The following RUSC1 variants were observed in gnomAD, a reference collection of about 807,000 sequenced individuals.
The protein encoded by RUSC1 is RUN and SH3 domain containing 1, also known as AP-4 complex accessory subunit RUSC1.
In RUSC1, 40 loss-of-function variants were observed where a neutral mutation model predicts 72.1. The ratio of observed to expected loss-of-function variants is 0.55; its 90% CI spans 0.43 to 0.72. RUSC1 has a LOEUF of 0.72. RUSC1 is among the 30% of genes least tolerant of loss of function. The pLI, the probability that RUSC1 is intolerant of heterozygous loss-of-function variation, is 0.00. For synonymous variants in RUSC1, 512 were observed against 494.2 expected (o/e 1.04, Z -0.48); for missense variants, 1,092 against 1,172.3 (o/e 0.93, Z 1.00).
chr1:155,321,632 T>C, intron 1 of RUSC1, 56 bp from the exon 2 acceptor site: 1 of 1,285,508 alleles, frequency 7.8e-7, no homozygotes, highest in South Asian at 1.4e-5. Context: ...CACCTCGGTG[T>C]CCTTCCCCGC....
intron 8 of RUSC1, 41 bp from the exon 9 acceptor site, chr1:155,328,109 T>G: frequency 1.9e-6 from 3 of 1,589,332 alleles, no homozygotes; most frequent in Non-Finnish European, 2.6e-6. Context: ...TTGGGTTTTC[T>G]GGAAGTGGGT....
intron 2 of RUSC1, chr1:155,324,526 C>T (rs1283904014): frequency 2.5e-6 from 4 of 1,600,122 alleles, no homozygotes; most frequent in Non-Finnish European, 2.6e-6. Context: ...CCTACAGGCC[C>T]TAGCAGGGCA....
In RUSC1 at chr1:155,321,857, C is replaced by T. The variant is rs202228024; in HGVS notation, c.84C>T (p.Arg28=). Residue 28 remains arginine, a synonymous_variant, in exon 2 of 10, where the codon CGC becomes CGT. Transcript: ENST00000368352. ...QHVSLGLHLS[R]RPELQEGPLS... ...TCTCCCTGGGCCTGCACTTGTCCCG[C>T]CGTCCTGAGCTACAGGAGGGGCCTT... 1.4e-3 allele frequency: 2,317 copies of T among 1,613,836 alleles called. 3 individuals are homozygous for T. The highest frequency in any genetic ancestry group is 1.8e-3 in the Non-Finnish European group (2,177 of 1,180,004).
chr1:155,323,178 C>T, intron 2 of RUSC1, 48 bp downstream of exon 2: 2 of 1,394,518 alleles, frequency 1.4e-6, no homozygotes, highest in South Asian at 3.3e-5. Context: ...CGGCCGCTCA[C>T]GCCTCCTAGG....
Position 155,322,643 on chromosome 1 carries a change from A to G in RUSC1, c.870A>G (p.Thr290=). Residue 290 remains threonine, a synonymous_variant, in exon 2 of 10, where the codon ACA becomes ACG. Coordinates refer to ENST00000368352, the MANE Select transcript of RUSC1 (RefSeq NM_001105203.2). The part of the protein sequence containing the change: ...NTRITDSGSK[T]DAGKIDGGWR... ...GAATAACTGATTCTGGCTCGAAAAC[A>G]GATGCAGGGAAAATTGATGGAGGAT... 4 of 1,614,284 alleles carry G rather than the reference A, an allele frequency of 2.5e-6. No homozygotes were observed. Among genetic ancestry groups the G allele is most frequent in the Non-Finnish European group, 3.4e-6 (4 of 1,180,052 alleles).
rs370703051 is a variant in RUSC1 at position 155,322,705 on chromosome 1, G to A, written c.932G>A (p.Arg311Gln). 2.8e-5 allele frequency: 46 copies of A among 1,614,110 alleles called. No homozygotes were observed. Among genetic ancestry groups the A allele is most frequent in the Non-Finnish European group, 3.6e-5 (43 of 1,180,050 alleles). Residue 311 changes from arginine (R) to glutamine (Q), a missense_variant, in exon 2 of 10, where the codon CGG (arginine) becomes CAG (glutamine). Arg to Gln is a conservative substitution (Grantham distance 43, BLOSUM62 1). Coordinates refer to ENST00000368352, the MANE Select transcript of RUSC1 (RefSeq NM_001105203.2). ...GTCAGCGAGGAGCCGGTGCCCCACCGGACAATCACGTCCTTCCACGAGCTG... is the reference window on the plus strand; with the variant it reads ...GTCAGCGAGGAGCCGGTGCCCCACCAGACAATCACGTCCTTCCACGAGCTG... Reference protein sequence around the residue: ...SDVSEEPVPHRTITSFHELAQ... With the variant: ...SDVSEEPVPHQTITSFHELAQ...
In RUSC1 at chr1:155,326,191, T is replaced by C; in HGVS notation, c.1861+281T>C. On this transcript the variant is annotated intron_variant, in intron 7 of 9. Coordinates refer to ENST00000368352, the MANE Select transcript of RUSC1 (RefSeq NM_001105203.2). The surrounding 1 kb of genome is among the most constrained non-coding windows in gnomAD (Gnocchi z 4.7). The stretch of plus-strand genomic sequence containing the variant: ...TGCTCCAGGGCCCTGCTTATGCTGT[T>C]CCTCTACCTTCTGCCCCTCCTGCTT... 7.0e-6 allele frequency: 4 copies of C among 567,438 alleles called. No homozygotes were observed. 35.2% of individuals were successfully genotyped at this position (567,438 alleles called of 1,614,324 possible). A position where few individuals can be genotyped will look rare whatever the true frequency, so the allele number is the denominator to read the frequency against.
rs201236896 is a variant in RUSC1, at chr1:155,320,894, G to A, written c.-184G>A. On this transcript the variant is annotated 5_prime_UTR_variant, in exon 1 of 10. It adds an upstream start codon to the 5' untranslated region. Coordinates refer to ENST00000368352, the MANE Select transcript of RUSC1 (RefSeq NM_001105203.2). ...GCAGCTGCGCAGCGCAGGGTAGGTT[G>A]TGCTAGTGCCCCTCCCCTCCCGCTC... 35 of 1,600,428 alleles carry A rather than the reference G, an allele frequency of 2.2e-5. No individual in the cohort carries two copies. In the East Asian group the frequency reaches 6.7e-4, roughly 31 times the overall value.
At chr1:155,321,456 C>A (rs558585105) in intron 1 of RUSC1, 4 of 1,440,912 alleles carry the variant, frequency 2.8e-6, no homozygotes, top group African/African-American at 1.4e-5. Flanking sequence ...AGATCCAGAG[C>A]GCAGCCGCGT....
rs1651284418 is a variant in RUSC1, at chr1:155,325,570, C to T, written c.1712C>T (p.Ser571Phe). 5.0e-6 allele frequency: 8 copies of T among 1,609,760 alleles called. No individual in the cohort carries two copies. The highest frequency in any genetic ancestry group is 6.8e-6 in the Non-Finnish European group (8 of 1,179,930). The change falls in exon 6 of 10, where the codon TCC (serine) becomes TTC (phenylalanine). Residue 571 changes from serine (S) to phenylalanine (F), a missense_variant. Transcript: ENST00000368352. This position sits in a 1 kb window ranked among gnomAD's most constrained non-coding sequence, Gnocchi z 6.5. ...SVVEASVKPG[S>F]STRSLGTLYS... Reference sequence around the variant, plus strand: ...TGACTGCACCCCACGTTCTCAGGCTCCAGCACCCGCTCCCTTGGAACCCTG... The same window carrying T: ...TGACTGCACCCCACGTTCTCAGGCTTCAGCACCCGCTCCCTTGGAACCCTG...
intron 1 of RUSC1, 191 bp from the exon 2 acceptor site, chr1:155,321,497 G>C (rs779378759): frequency 8.1e-6 from 12 of 1,480,844 alleles, no homozygotes; most frequent in Non-Finnish European, 1.1e-5. Flanking sequence ...ATTCCCGGGG[G>C]GTTACATTCG....
Position 155,327,094 on chromosome 1 carries a change from G to C in RUSC1, c.2376G>C (p.Gly792=). The C allele has an allele frequency of 6.2e-7, 1 of 1,608,514 alleles. No individual in the cohort carries two copies. Among genetic ancestry groups the C allele is most frequent in the Non-Finnish European group, 8.5e-7 (1 of 1,176,350 alleles). ...TGGGAAGACTATTTGGAGTGCCTGG[G>C]GGCCCCGCAGAAAATGAGAATGGAG... ...LWLGRLFGVP[G]GPAENENGAL... is the part of the protein sequence containing the mutation. Residue 792 remains glycine, a synonymous_variant, in exon 8 of 10, where the codon GGG becomes GGC. Transcript: ENST00000368352.
Position 155,326,988 on chromosome 1 carries a change from G to A in RUSC1, c.2270G>A (p.Arg757His), listed in dbSNP as rs768034492. ...GFPLSRWAPGRHGTAAEEGAQ... is the reference protein window; with the variant it reads ...GFPLSRWAPGHHGTAAEEGAQ... ...CCTCTTTCCCGATGGGCACCGGGGC[G>A]TCATGGGACTGCAGCTGAAGAAGGT... Residue 757 changes from arginine to histidine, a missense_variant, in exon 8 of 10, where the codon CGT (arginine) becomes CAT (histidine). Transcript: ENST00000368352. This position sits in a 1 kb window ranked among gnomAD's most constrained non-coding sequence, Gnocchi z 4.7. 46 of 1,613,530 alleles carry A rather than the reference G, an allele frequency of 2.9e-5. No individual in the cohort carries two copies. Among genetic ancestry groups the A allele is most frequent in the South Asian group, 1.2e-4 (11 of 91,086 alleles).
intron 9 of RUSC1, among the ~76,000 whole-genome samples, chr1:155,328,805 C>A (rs569871983): frequency 6.6e-6 from 1 of 151,962 alleles, no homozygotes; most frequent in Non-Finnish European, 1.5e-5. Context: ...TCACCATGTT[C>A]GCCGGGATGG....
rs751339887 is a variant in RUSC1, at chr1:155,328,230, C to T, written c.2495C>T (p.Pro832Leu). 1.9e-6 allele frequency: 3 copies of T among 1,613,496 alleles called. No homozygotes were observed. The East Asian group carries it at 6.7e-5, about 36-fold the overall frequency. ...GGGGCACCTCCCGAGATGCCTTCTC[C>T]TCAGGAGCTTGAGGCCTCAGCACCC... ...KRGAPPEMPS[P>L]QELEASAPRM... The change falls in exon 9 of 10, where the codon CCT becomes CTT. Residue 832 changes from proline (P) to leucine (L), a missense_variant. Pro to Leu is a moderately conservative substitution (Grantham distance 98). Coordinates refer to ENST00000368352, the MANE Select transcript of RUSC1 (RefSeq NM_001105203.2).
At position 155,324,947 on chromosome 1, in the gene RUSC1, G is replaced by A; in HGVS notation, c.1456+4G>A. ...CAGCTGCAGGAGCAGAAGAAAGGTAGGGCACCCTGACTCCCGACCCCGCGC... is the reference window on the plus strand; with the variant it reads ...CAGCTGCAGGAGCAGAAGAAAGGTAAGGCACCCTGACTCCCGACCCCGCGC... On this transcript the variant is annotated splice_donor_region_variant and intron_variant, in intron 3 of 9. Coordinates refer to ENST00000368352, the MANE Select transcript of RUSC1 (RefSeq NM_001105203.2). The A allele has an allele frequency of 6.2e-7, 1 of 1,614,168 alleles. No individual in the cohort carries two copies. Among genetic ancestry groups the A allele is most frequent in the East Asian group, 2.2e-5 (1 of 44,874 alleles).
In RUSC1 at chr1:155,325,053, T is replaced by C; in HGVS notation, c.1457-49T>C. ...TCTCTCCACGCCCCTCGGGCAAGCC[T>C]GGGTAGGGGCGCGGCCTCCTAGCGT... On this transcript the variant is annotated intron_variant, in intron 3 of 9. Transcript: ENST00000368352. The surrounding 1 kb of genome is among the most constrained non-coding windows in gnomAD (Gnocchi z 6.5). 1 of 1,614,030 alleles carries C rather than the reference T, an allele frequency of 6.2e-7. No individual in the cohort carries two copies. The highest frequency in any genetic ancestry group is 8.5e-7 in the Non-Finnish European group (1 of 1,179,954).
intron 1 of RUSC1, chr1:155,321,462 C>A (rs72704152): frequency 6.9e-7 from 1 of 1,450,694 alleles, no homozygotes; most frequent in Admixed American, 1.9e-5. Context: ...AGAGCGCAGC[C>A]GCGTTCTCTG....
Position 155,323,053 on chromosome 1 carries a change from A to T in RUSC1, c.1280A>T (p.Glu427Val). 1 of 1,397,860 alleles carries T rather than the reference A, an allele frequency of 7.2e-7. No homozygotes were observed. The allele number at this position is 1,397,860 out of a possible 1,614,324, so 86.6% of individuals were successfully genotyped here. A position where few individuals can be genotyped will look rare whatever the true frequency, so the allele number is the denominator to read the frequency against. ...CCCATAGCGGAGGGGCAGTCCGAGG[A>T]GGGCCGGGCTGTCAGCCCAGCGGCT... ...LQPIAEGQSE[E>V]GRAVSPAAGE... Residue 427 changes from glutamate (E) to valine (V), a missense_variant, in exon 2 of 10, where the codon GAG (glutamate) becomes GTG (valine). Glu to Val is a moderately radical substitution (Grantham distance 121). Coordinates refer to ENST00000368352, the MANE Select transcript of RUSC1 (RefSeq NM_001105203.2).
Sources: gnomAD v4.1 joint callset for allele counts (sites outside exome capture counted in the v4.1 genomes callset) on GRCh38, gnomAD v4.1.1 for gene constraint, Gnocchi (gnomAD v3.1) non-coding constraint, MANE v1.5 for transcripts, NCBI Gene and HGNC (gene_info 2026-07-23, HGNC 2026-07-21) for gene names.